The following DMD variants were observed in gnomAD, a reference collection of about 807,000 sequenced individuals.
The protein encoded by DMD is mutant dystrophin.
In DMD, 63 loss-of-function variants were observed where a neutral mutation model predicts 330.1. The observed-to-expected ratio is 0.19, with a 90% CI of 0.16 to 0.24. The LOEUF is 0.24. Among genes scored for constraint, DMD ranks in the 10% least tolerant of loss-of-function variants. DMD has a pLI of 1.00. For synonymous variants in DMD, 1,223 were observed against 959.8 expected (o/e 1.27, Z -5.07); for missense variants, 3,344 against 2,684.1 (o/e 1.25, Z -5.43).
At chrX:32,360,650 C>T (rs921896188) in intron 37 of DMD, among the ~76,000 whole-genome samples, 2 of 108,104 alleles carry the variant, frequency 1.9e-5, no homozygotes, top group Admixed American at 2.0e-4. Context: ...AGCCAGGTGT[C>T]ACGGCGCCCG....
At chrX:32,924,609 C>A (rs2088790373) in intron 2 of DMD, among the ~76,000 whole-genome samples, 1 of 111,880 alleles carries the variant, frequency 8.9e-6, no homozygotes, top group African/African-American at 3.3e-5. Flanking sequence ...TATTTCAAAC[C>A]ACAGCCCTAT....
intron 4 of DMD, among the ~76,000 whole-genome samples, chrX:32,840,972 C>A (rs763402115): frequency 8.9e-6 from 1 of 111,738 alleles, no homozygotes; most frequent in Admixed American, 9.5e-5. Context: ...GTAGATCATG[C>A]CCAACTCTTT....
intron 60 of DMD, among the ~76,000 whole-genome samples, chrX:31,367,883 T>C (rs769132865): frequency 7.2e-4 from 81 of 111,835 alleles, no homozygotes; most frequent in South Asian, 1.5e-3. Flanking sequence ...TTATTATTCA[T>C]ATAGGGAGAA....
chrX:32,524,821 A>G (rs2148845365), intron 17 of DMD, among the ~76,000 whole-genome samples: 1 of 112,637 alleles, frequency 8.9e-6, no homozygotes, highest in African/African-American at 3.2e-5. Context: ...CAGTGCGTGA[A>G]CTTCCCTTTT....
intron 42 of DMD, among the ~76,000 whole-genome samples, chrX:32,291,646 A>C (rs1353840203): frequency 8.9e-6 from 1 of 111,835 alleles, no homozygotes; most frequent in African/African-American, 3.3e-5. Flanking sequence ...TTGTGGTGTC[A>C]TTGGGTAACA....
chrX:32,982,044 T>C (rs1163926747), intron 2 of DMD, among the ~76,000 whole-genome samples: 1 of 111,706 alleles, frequency 9.0e-6, no homozygotes, highest in Non-Finnish European at 1.9e-5. Context: ...AACGGTAAGA[T>C]AGAGACTGTA....
intron 55 of DMD, among the ~76,000 whole-genome samples, chrX:31,512,588 G>A (rs1437300872): frequency 9.3e-6 from 1 of 107,668 alleles, no homozygotes; most frequent in Non-Finnish European, 1.9e-5. Context: ...TTATTAAATA[G>A]GGAATCCTTT....
chrX:31,521,811 T>C (rs1283936983), intron 55 of DMD, among the ~76,000 whole-genome samples: 5 of 111,331 alleles, frequency 4.5e-5, no homozygotes, highest in Non-Finnish European at 5.6e-5. Flanking sequence ...GAACAGAAAA[T>C]AAAAAGACTT....
chrX:31,260,459 G>A lies in DMD; in HGVS notation c.9286+496C>T, dbSNP rs373812124. Among the ~76,000 whole-genome samples, 289 of 111,567 alleles carry A rather than the reference G, an allele frequency of 2.6e-3. 5 individuals carry two copies. In the South Asian group the frequency reaches 0.036, roughly 14 times the overall value. On this transcript the variant is annotated intron_variant, in intron 63 of 78. Coordinates refer to ENST00000357033, the MANE Select transcript of DMD (RefSeq NM_004006.3). The stretch of plus-strand genomic sequence containing the variant: ...AGGCTCTTACATAAACACAAAACAA[G>A]CCATACTAAAGAAATCATTTAAATG...
rs188516827 is a variant in DMD at position 32,116,606 on chromosome X, G to A, written c.6438+100310C>T. Among the ~76,000 whole-genome samples the A allele has an allele frequency of 2.5e-3, 276 of 111,636 alleles. 1 individual carries two copies. The highest frequency in any genetic ancestry group is 8.7e-4 in the Non-Finnish European group (46 of 53,102). ...TTGAGGATCAACAGATACGGGAAGG[G>A]GCTTTTTCTGTACTCCCCCTATCTG... is the stretch of plus-strand genomic sequence containing the variant. On this transcript the variant is annotated intron_variant, in intron 44 of 78. Coordinates refer to ENST00000357033, the MANE Select transcript of DMD (RefSeq NM_004006.3).
intron 60 of DMD, among the ~76,000 whole-genome samples, chrX:31,411,060 C>A (rs1425434262): frequency 1.8e-5 from 2 of 110,267 alleles, no homozygotes; most frequent in Non-Finnish European, 3.8e-5. Flanking sequence ...GCCACTGCAC[C>A]CAACCCCGAT....
At chrX:31,192,206 C>T (rs1245299464) in intron 67 of DMD, among the ~76,000 whole-genome samples, 1 of 112,025 alleles carries the variant, frequency 8.9e-6, no homozygotes, top group Admixed American at 9.4e-5. Flanking sequence ...ACTCTTCTTC[C>T]AAACAATCCC....
intron 7 of DMD, among the ~76,000 whole-genome samples, chrX:32,804,824 A>G (rs894874231): frequency 4.5e-5 from 5 of 112,262 alleles, no homozygotes; most frequent in African/African-American, 1.6e-4. Flanking sequence ...GGTGATACCC[A>G]GGCAAATAGG....
rs764521635 is a variant in DMD, at chrX:31,658,036, T to C, written c.7981A>G (p.Met2661Val). Reference protein sequence around the residue: ...YSADDTRKVHMITENINASWR... With the variant: ...YSADDTRKVHVITENINASWR... ...GAGGCATTGATATTCTCTGTTATCA[T>C]GTGGACTTTTCTGGTATCATCTGCA... The change falls in exon 54 of 79, where the codon ATG becomes GTG. Residue 2661 changes from methionine (M) to valine (V), a missense_variant. Transcript: ENST00000357033. The C allele has an allele frequency of 3.3e-6, 4 of 1,209,271 alleles. No individual in the cohort carries two copies. The highest frequency in any genetic ancestry group is 4.5e-6 in the Non-Finnish European group (4 of 894,378).
rs1359241797 is a variant in DMD at position 32,329,705 on chromosome X, G to C, written c.5922+12395C>G. ...TTATATGTTATAGATAACTGTATTT[G>C]TTAGGTAATTCATTTATTTTTCATC... On this transcript the variant is annotated intron_variant, in intron 41 of 78. Transcript: ENST00000357033. Among the ~76,000 whole-genome samples the C allele has an allele frequency of 2.0e-4, 23 of 112,390 alleles. No homozygotes were observed. The Admixed American group carries it at 2.2e-3, about 11-fold the overall frequency.
At position 31,909,142 on chromosome X, in the gene DMD, C is replaced by T. The variant is rs188380384; in HGVS notation, c.6912+20454G>A. ...GGTTGGTTATCTTTTCCTAATTCAT[C>T]TATCTATTCTGTCTACCTGTCTGTT... On this transcript the variant is annotated intron_variant, in intron 47 of 78. Transcript: ENST00000357033. Among the ~76,000 whole-genome samples the T allele has an allele frequency of 4.1e-4, 46 of 112,396 alleles. 1 individual carries two copies. In the East Asian group the frequency reaches 0.012, roughly 30 times the overall value.
intron 5 of DMD, among the ~76,000 whole-genome samples, chrX:32,820,293 T>C (rs780244175): frequency 1.8e-5 from 2 of 110,347 alleles, no homozygotes; most frequent in Non-Finnish European, 3.8e-5. Context: ...ATACAAAAAA[T>C]TAGCCGGGCG....
chrX:32,733,156 G>C (rs1237010621), intron 7 of DMD, among the ~76,000 whole-genome samples: 1 of 109,533 alleles, frequency 9.1e-6, no homozygotes, highest in East Asian at 2.9e-4. Context: ...AAGATCAAAA[G>C]AGACAAAGAA....
intron 9 of DMD, among the ~76,000 whole-genome samples, chrX:32,673,431 A>G (rs141754390): frequency 9.0e-6 from 1 of 111,556 alleles, no homozygotes; most frequent in East Asian, 2.8e-4. Flanking sequence ...TTGTTTTTGA[A>G]GTACAGAAAA....
Sources: gnomAD v4.1 joint callset for allele counts (sites outside exome capture counted in the v4.1 genomes callset) on GRCh38, gnomAD v4.1.1 for gene constraint, MANE v1.5 for transcripts, NCBI Gene and HGNC (gene_info 2026-07-23, HGNC 2026-07-21) for gene names.